The following CALN1 variants were observed in gnomAD, a reference collection of about 807,000 sequenced individuals.
CALN1 encodes the protein calcium-binding protein 8.
Under a neutral mutation model 30.6 loss-of-function variants are expected in CALN1, and 17 were observed. The observed-to-expected ratio is 0.56, with a 90% CI of 0.38 to 0.83. The LOEUF (loss-of-function observed/expected upper bound fraction) is 0.83. Among genes scored for constraint, CALN1 ranks in the 40% least tolerant of loss-of-function variants. The pLI, the probability that CALN1 is intolerant of heterozygous loss-of-function variation, is 0.00. For synonymous variants in CALN1, 156 were observed against 131.4 expected, an observed-to-expected ratio of 1.19 and a Z score of -1.28; for missense variants, 291 against 354.9, an observed-to-expected ratio of 0.82 and a Z score of 1.45.
intron 3 of CALN1, among the ~76,000 whole-genome samples, chr7:72,210,597 G>C (rs890149222): frequency 1.3e-5 from 2 of 152,070 alleles, no homozygotes; most frequent in Non-Finnish European, 2.9e-5. Flanking sequence ...TCACAAGGAG[G>C]TAGGAAAAAG....
intron 3 of CALN1, among the ~76,000 whole-genome samples, chr7:72,240,171 T>C (rs1794735535): frequency 6.6e-6 from 1 of 151,066 alleles, no homozygotes; most frequent in Non-Finnish European, 1.5e-5. Context: ...CCTATAGTTC[T>C]CGAAACACTT....
chr7:72,228,966 G>A (rs942669859), intron 3 of CALN1, among the ~76,000 whole-genome samples: 9 of 150,068 alleles, frequency 6.0e-5, no homozygotes, highest in Non-Finnish European at 1.0e-4. Context: ...GGTGGGGGGC[G>A]GGGATCTCAC....
At chr7:71,830,154 C>T (rs898015998) in intron 5 of CALN1, among the ~76,000 whole-genome samples, 1 of 151,456 alleles carries the variant, frequency 6.6e-6, no homozygotes, top group South Asian at 2.1e-4. Context: ...AGTGATTCTC[C>T]TGCTTCAGCC....
At chr7:72,032,808 T>C (rs1000199657) in intron 4 of CALN1, among the ~76,000 whole-genome samples, 5 of 152,182 alleles carry the variant, frequency 3.3e-5, no homozygotes, top group African/African-American at 1.2e-4. Flanking sequence ...CAGAGAACCC[T>C]GCACACGTCT....
intron 2 of CALN1, chr7:72,336,827 A>G (rs902521788): frequency 4.1e-6 from 4 of 984,752 alleles, no homozygotes; most frequent in African/African-American, 1.8e-5. Context: ...GGCAGCGCTC[A>G]GCCTCTCGCT....
intron 3 of CALN1, among the ~76,000 whole-genome samples, chr7:72,211,979 G>A (rs1792430258): frequency 6.6e-6 from 1 of 152,254 alleles, no homozygotes; most frequent in South Asian, 2.1e-4. Flanking sequence ...CGTAATAGAT[G>A]CTTGATGAAT....
the CALN1 span, among the ~76,000 whole-genome samples, chr7:72,503,720 A>G: frequency 2.0e-5 from 3 of 152,158 alleles, no homozygotes; most frequent in African/African-American, 7.2e-5. Flanking sequence ...CGAAACAGCC[A>G]TGATCTCCTC....
At chr7:72,099,870 T>C (rs901771405) in intron 4 of CALN1, among the ~76,000 whole-genome samples, 4 of 152,254 alleles carry the variant, frequency 2.6e-5, no homozygotes, top group Admixed American at 2.6e-4. Context: ...CTGCAAGATT[T>C]GCTCAGAAGT....
intron 2 of CALN1, among the ~76,000 whole-genome samples, chr7:72,317,038 A>G (rs1368538396): frequency 6.9e-6 from 1 of 144,064 alleles, no homozygotes; most frequent in African/African-American, 2.6e-5. Flanking sequence ...AGGAGGAGGG[A>G]AGAGAGAGAG....
At chr7:71,996,262 C>T (rs1029818047) in intron 5 of CALN1, among the ~76,000 whole-genome samples, 10 of 152,070 alleles carry the variant, frequency 6.6e-5, no homozygotes, top group Non-Finnish European at 1.2e-4. Context: ...GAAATATCTG[C>T]GATAATAATA....
At chr7:71,943,665 C>T (rs1428470844) in intron 5 of CALN1, among the ~76,000 whole-genome samples, 1 of 151,980 alleles carries the variant, frequency 6.6e-6, no homozygotes, top group Non-Finnish European at 1.5e-5. Flanking sequence ...TGATCTTGAA[C>T]TCATGAACTC....
chr7:71,910,874 T>C (rs1345963278), intron 5 of CALN1, among the ~76,000 whole-genome samples: 1 of 152,186 alleles, frequency 6.6e-6, no homozygotes, highest in Non-Finnish European at 1.5e-5. Flanking sequence ...AGACTCAGTT[T>C]CTGTTATTTG....
chr7:72,294,025 G>C (rs943003351), intron 2 of CALN1, among the ~76,000 whole-genome samples: 3 of 151,976 alleles, frequency 2.0e-5, no homozygotes, highest in Admixed American at 6.6e-5. Context: ...TTGAACCTGG[G>C]AGGTGGAGGC....
At chr7:71,897,995 G>C (rs1337599960) in intron 5 of CALN1, among the ~76,000 whole-genome samples, 1 of 73,838 alleles carries the variant, frequency 1.4e-5, no homozygotes, top group Non-Finnish European at 2.6e-5. Context: ...AAAAAAAAGA[G>C]AGAGAGAGGG....
intron 2 of CALN1, among the ~76,000 whole-genome samples, chr7:72,402,994 G>A (rs907377396): frequency 5.3e-5 from 8 of 152,182 alleles, no homozygotes; most frequent in African/African-American, 1.4e-4. Flanking sequence ...TTGTTCACCT[G>A]AAAACAAGCA....
At chr7:72,447,661 C>G (rs1224630421), upstream of CALN1, among the ~76,000 whole-genome samples, 1 of 151,720 alleles carries the variant, frequency 6.6e-6, no homozygotes, top group East Asian at 1.9e-4. Flanking sequence ...ACACACACAC[C>G]TGCCATGCAC....
intron 5 of CALN1, among the ~76,000 whole-genome samples, chr7:72,013,034 G>A (rs941996757): frequency 8.5e-5 from 13 of 152,088 alleles, no homozygotes; most frequent in African/African-American, 3.1e-4. Context: ...CTGACCTCAG[G>A]TGATCCACCT....
chr7:72,261,915 G>A (rs567476963), intron 3 of CALN1, among the ~76,000 whole-genome samples: 1 of 152,200 alleles, frequency 6.6e-6, no homozygotes, highest in Non-Finnish European at 1.5e-5. Flanking sequence ...AGAGGAGTGA[G>A]AATAATCAGG....
chr7:72,168,936 G>A lies in CALN1; in HGVS notation c.245-62642C>T, dbSNP rs1788736914. On this transcript the variant is annotated intron_variant, in intron 3 of 6. Coordinates refer to ENST00000395275, the MANE Select transcript of CALN1 (RefSeq NM_031468.4). ...TTCTCCTGCCTCAGCCTCCCGAGTA[G>A]CTGGGATTACAGGTGCCCCCCAACA... Among the ~76,000 whole-genome samples, 3 of 151,308 alleles carry A rather than the reference G, an allele frequency of 2.0e-5. No individual in the cohort carries two copies. The South Asian group carries it at 6.3e-4, about 32-fold the overall frequency.
Sources: gnomAD v4.1 joint callset for allele counts (sites outside exome capture counted in the v4.1 genomes callset) on GRCh38, gnomAD v4.1.1 for gene constraint, MANE v1.5 for transcripts, NCBI Gene and HGNC (gene_info 2026-07-23, HGNC 2026-07-21) for gene names.